The following HDAC4 variants were observed in gnomAD, a reference collection of about 807,000 sequenced individuals.
HDAC4 encodes the protein histone deacetylase 4.
Under a neutral mutation model 135.1 loss-of-function variants are expected in HDAC4, and 16 were observed. That is an observed-to-expected ratio of 0.12 (90% CI 0.08 to 0.18). The LOEUF (loss-of-function observed/expected upper bound fraction) is 0.18. Ranked by LOEUF, HDAC4 falls within the 10% of genes least tolerant of loss-of-function variation. The probability of loss-of-function intolerance (pLI) is 1.00; values close to 1 mark genes in which losing one functional copy is unlikely to be tolerated. For synonymous variants in HDAC4, 685 were observed against 653.4 expected (o/e 1.05, Z -0.74); for missense variants, 1,143 against 1,511.8 (o/e 0.76, Z 4.05).
At chr2:239,401,063 G>C (rs962901708), upstream of HDAC4, 1,633 of 151,880 alleles carry the variant, frequency 0.011, 11 homozygotes, top group Non-Finnish European at 0.017. Context: ...GCCCGGCCCC[G>C]CCCAGCCAGC....
chr2:239,174,515 C>A (rs911063446), intron 5 of HDAC4, among the ~76,000 whole-genome samples: 1 of 152,216 alleles, frequency 6.6e-6, no homozygotes, highest in Admixed American at 6.5e-5. Flanking sequence ...TTGACAAGGA[C>A]ATGGAGCCAC....
At chr2:239,183,566 CT>C (rs1426573158) in intron 4 of HDAC4, among the ~76,000 whole-genome samples, 2 of 152,252 alleles carry the variant, frequency 1.3e-5, no homozygotes, top group Non-Finnish European at 2.9e-5. Context: ...CCACTGCCCA[CT>C]GCCACGTGCA....
At chr2:239,207,863 T>C (rs1559227184) in intron 3 of HDAC4, among the ~76,000 whole-genome samples, 1 of 152,022 alleles carries the variant, frequency 6.6e-6, no homozygotes, top group Non-Finnish European at 1.5e-5. Flanking sequence ...GAGGGGAGAA[T>C]AAATATCCTT....
At chr2:239,145,115 C>T (rs1270447990) in intron 7 of HDAC4, among the ~76,000 whole-genome samples, 2 of 152,170 alleles carry the variant, frequency 1.3e-5, no homozygotes, top group Non-Finnish European at 2.9e-5. Flanking sequence ...CTAGATAATA[C>T]ACCCCTATCT....
chr2:239,125,775 A>T (rs1367791616), intron 12 of HDAC4, among the ~76,000 whole-genome samples: 7 of 152,168 alleles, frequency 4.6e-5, no homozygotes, highest in African/African-American at 1.7e-4. Flanking sequence ...CTTGCCTACT[A>T]CCTCCTCCTG....
chr2:239,314,766 G>A (rs1406176572), intron 2 of HDAC4, among the ~76,000 whole-genome samples: 1 of 152,196 alleles, frequency 6.6e-6, no homozygotes, highest in Non-Finnish European at 1.5e-5. Context: ...TAGAGGACTG[G>A]AAGGACAGAG....
In HDAC4 at chr2:239,097,120, A is replaced by C. The variant is rs2037181189; in HGVS notation, c.2234-2064T>G. Reference sequence around the variant, plus strand: ...TGTGACGTTTTCCAGACAAAGGCCTACGTGCTCGGAGGAGCCAGCCTGTGT... The same window carrying C: ...TGTGACGTTTTCCAGACAAAGGCCTCCGTGCTCGGAGGAGCCAGCCTGTGT... On this transcript the variant is annotated intron_variant, in intron 16 of 26. Coordinates refer to ENST00000543185, the MANE Select transcript of HDAC4 (RefSeq NM_001378414.1). Among the ~76,000 whole-genome samples, 5 of 152,214 alleles carry C rather than the reference A, an allele frequency of 3.3e-5. No homozygotes were observed. The South Asian group carries it at 1.0e-3, about 31-fold the overall frequency.
chr2:239,290,149 GTCAT>G (rs1269140381), intron 2 of HDAC4, among the ~76,000 whole-genome samples: 1 of 152,152 alleles, frequency 6.6e-6, no homozygotes, highest in Non-Finnish European at 1.5e-5. Flanking sequence ...CTCAAGTCTT[GTCAT>G]TCAAACTTAA....
intron 24 of HDAC4, among the ~76,000 whole-genome samples, chr2:239,058,470 A>C (rs1459386091): frequency 6.6e-6 from 1 of 152,236 alleles, no homozygotes; most frequent in African/African-American, 2.4e-5. Context: ...TATATTGCCC[A>C]GGCTTTTGCT....
At chr2:239,158,295 T>C (rs1475557921) in intron 6 of HDAC4, among the ~76,000 whole-genome samples, 1 of 152,202 alleles carries the variant, frequency 6.6e-6, no homozygotes, top group African/African-American at 2.4e-5. Flanking sequence ...CTGGGACCAT[T>C]TCCGCGTTCA....
intron 2 of HDAC4, among the ~76,000 whole-genome samples, chr2:239,327,942 G>A (rs189718679): frequency 6.6e-6 from 1 of 152,186 alleles, no homozygotes; most frequent in Non-Finnish European, 1.5e-5. Context: ...CAGGGGCCTG[G>A]GGTGGCTGCC....
At chr2:239,214,907 A>C (rs552552132) in intron 3 of HDAC4, among the ~76,000 whole-genome samples, 1 of 152,130 alleles carries the variant, frequency 6.6e-6, no homozygotes, top group East Asian at 1.9e-4. Flanking sequence ...GGTTGCCCTG[A>C]GTAGGAGAGG....
intron 23 of HDAC4, among the ~76,000 whole-genome samples, chr2:239,067,455 T>A (rs954490039): frequency 1.3e-5 from 2 of 152,192 alleles, no homozygotes; most frequent in Admixed American, 1.3e-4. Context: ...GTGGCCCCGA[T>A]CATGGGCTGG....
intron 15 of HDAC4, among the ~76,000 whole-genome samples, chr2:239,103,321 C>T (rs1022219040): frequency 1.4e-4 from 22 of 152,174 alleles, no homozygotes; most frequent in Non-Finnish European, 2.6e-4. Context: ...ATGAAGCAGC[C>T]TTCCTTGGAC....
Position 239,081,208 on chromosome 2 carries a change from G to A in HDAC4, c.2653-16C>T. Reference sequence around the variant, plus strand: ...CTGTGCCCACCTGTGGCCAGAAGGAGAGAAACACACGTCATGGACCCCGAG... The same window carrying A: ...CTGTGCCCACCTGTGGCCAGAAGGAAAGAAACACACGTCATGGACCCCGAG... On this transcript the variant is annotated splice_polypyrimidine_tract_variant and intron_variant, in intron 21 of 26. Transcript: ENST00000543185. The A allele has an allele frequency of 2.5e-6, 4 of 1,605,860 alleles. No individual in the cohort carries two copies. The highest frequency in any genetic ancestry group is 1.1e-5 in the South Asian group (1 of 90,392).
At chr2:239,280,241 G>GA (rs139861045) in intron 2 of HDAC4, among the ~76,000 whole-genome samples, 3,148 of 152,258 alleles carry the variant, frequency 0.021, 109 homozygotes, top group African/African-American at 0.072. Context: ...AGCAACCCAA[G>GA]AGTGGGGGCA....
At chr2:239,151,284 C>A (rs577497969) in intron 7 of HDAC4, among the ~76,000 whole-genome samples, 5 of 152,316 alleles carry the variant, frequency 3.3e-5, no homozygotes, top group Admixed American at 3.3e-4. Flanking sequence ...GAAGTGGATG[C>A]CCACCGCCCC....
At chr2:239,092,925 T>C (rs1206242543) in intron 17 of HDAC4, among the ~76,000 whole-genome samples, 2 of 151,714 alleles carry the variant, frequency 1.3e-5, no homozygotes, top group Non-Finnish European at 2.9e-5. Flanking sequence ...TCTTTCGCAA[T>C]AAAGACAGGA....
chr2:239,077,652 A>G (rs983037535), intron 22 of HDAC4, among the ~76,000 whole-genome samples: 5 of 152,256 alleles, frequency 3.3e-5, no homozygotes, highest in African/African-American at 9.6e-5. Context: ...AGAAGGTGGC[A>G]CGGTCTGTAT....
Sources: allele counts gnomAD v4.1 joint callset (sites outside exome capture counted in the v4.1 genomes callset), GRCh38; gene constraint gnomAD v4.1.1; transcripts MANE v1.5; gene names NCBI Gene and HGNC (gene_info 2026-07-23, HGNC 2026-07-21).